The following HACD2 variants were observed in gnomAD, a reference collection of about 807,000 sequenced individuals.
HACD2 encodes very-long-chain (3R)-3-hydroxyacyl-CoA dehydratase 2.
In HACD2, 15 loss-of-function variants were observed where a neutral mutation model predicts 31.0. The ratio of observed to expected loss-of-function variants is 0.48; its 90% CI spans 0.32 to 0.75. The LOEUF is 0.75. Among genes scored for constraint, HACD2 ranks in the 30% least tolerant of loss-of-function variants. HACD2 has a pLI of 0.03. For synonymous variants in HACD2, 115 were observed against 122.2 expected (o/e 0.94, Z 0.39); for missense variants, 283 against 313.0 (o/e 0.90, Z 0.72).
chr3:123,537,849 T>C (rs2056444948), intron 3 of HACD2, among the ~76,000 whole-genome samples: 1 of 151,946 alleles, frequency 6.6e-6, no homozygotes, highest in Non-Finnish European at 1.5e-5. Flanking sequence ...CTGCCTACTT[T>C]TAAAGAACAC....
chr3:123,535,144 A>G (rs1438297426), intron 3 of HACD2, among the ~76,000 whole-genome samples: 1 of 152,184 alleles, frequency 6.6e-6, no homozygotes, highest in Non-Finnish European at 1.5e-5. Flanking sequence ...ATTCATCCAG[A>G]GCAACTTCCA....
At chr3:123,525,842 T>G (rs1007531205) in intron 4 of HACD2, among the ~76,000 whole-genome samples, 15 of 152,212 alleles carry the variant, frequency 9.9e-5, no homozygotes, top group African/African-American at 3.6e-4. Flanking sequence ...TATGCATTAA[T>G]TATACAGTTC....
intron 3 of HACD2, among the ~76,000 whole-genome samples, chr3:123,548,132 C>T (rs930998659): frequency 2.6e-5 from 4 of 152,116 alleles, no homozygotes; most frequent in Non-Finnish European, 4.4e-5. Flanking sequence ...CTCCTCCCTT[C>T]ACAAGGCAGA....
At chr3:123,574,256 C>T (rs1204264289) in intron 2 of HACD2, among the ~76,000 whole-genome samples, 1 of 152,196 alleles carries the variant, frequency 6.6e-6, no homozygotes, top group Non-Finnish European at 1.5e-5. Flanking sequence ...GCTTCTGCTC[C>T]GAAATCAACT....
intron 3 of HACD2, among the ~76,000 whole-genome samples, chr3:123,530,846 C>T (rs1244207738): frequency 6.6e-6 from 1 of 152,034 alleles, no homozygotes; most frequent in African/African-American, 2.4e-5. Flanking sequence ...GCCCCCATGC[C>T]CAGCTAAAGT....
intron 4 of HACD2, among the ~76,000 whole-genome samples, chr3:123,504,029 A>C (rs1576729531): frequency 6.6e-6 from 1 of 152,334 alleles, no homozygotes; most frequent in Non-Finnish European, 1.5e-5. Flanking sequence ...TCTAAAAATA[A>C]TAAGAATTTT....
At chr3:123,541,011 C>CTA (rs1415472359) in intron 3 of HACD2, among the ~76,000 whole-genome samples, 1 of 152,196 alleles carries the variant, frequency 6.6e-6, no homozygotes, top group African/African-American at 2.4e-5. Context: ...TGGCTCATGT[C>CTA]TATAATCCCA....
In HACD2 at chr3:123,569,850, A is replaced by G. The variant is rs146037847; in HGVS notation, c.274-2070T>C. Among the ~76,000 whole-genome samples, 859 of 152,078 alleles carry G rather than the reference A, an allele frequency of 5.6e-3. 11 individuals are homozygous for G. Among genetic ancestry groups the G allele is most frequent in the African/African-American group, 0.02 (824 of 41,506 alleles). ...TAAAAATACAAAAAATTAGCTGGGC[A>G]TAGTGGCGCATGCCTGTAGTCTCGG... On this transcript the variant is annotated intron_variant, in intron 2 of 6. Coordinates refer to ENST00000383657, the MANE Select transcript of HACD2 (RefSeq NM_198402.5).
chr3:123,521,698 G>C (rs185750979), intron 4 of HACD2, among the ~76,000 whole-genome samples: 2 of 151,884 alleles, frequency 1.3e-5, no homozygotes, highest in Admixed American at 1.3e-4. Flanking sequence ...GTGGAGGTGA[G>C]CCCAGAGCAG....
chr3:123,546,910 A>G (rs2056566377), intron 3 of HACD2, among the ~76,000 whole-genome samples: 1 of 152,210 alleles, frequency 6.6e-6, no homozygotes, highest in African/African-American at 2.4e-5. Context: ...AATTTGGTGT[A>G]ATAATTTTTT....
intron 4 of HACD2, among the ~76,000 whole-genome samples, chr3:123,503,544 G>A (rs141842372): frequency 9.2e-5 from 14 of 152,070 alleles, no homozygotes; most frequent in Admixed American, 3.3e-4. Flanking sequence ...AGAGCCCCTA[G>A]GTGATTTTTA....
At chr3:123,542,357 A>G (rs1318022759) in intron 3 of HACD2, among the ~76,000 whole-genome samples, 1 of 152,142 alleles carries the variant, frequency 6.6e-6, no homozygotes. Context: ...TTTTTCTATA[A>G]GTAACTTAGT....
At chr3:123,537,667 T>G (rs1024564886) in intron 3 of HACD2, among the ~76,000 whole-genome samples, 1 of 152,088 alleles carries the variant, frequency 6.6e-6, no homozygotes, top group Non-Finnish European at 1.5e-5. Context: ...ATGAAAAATG[T>G]CTTTTTCATG....
At chr3:123,530,296 G>A (rs1265443078) in intron 3 of HACD2, among the ~76,000 whole-genome samples, 1 of 152,080 alleles carries the variant, frequency 6.6e-6, no homozygotes, top group Admixed American at 6.5e-5. Flanking sequence ...TGTCACCCAG[G>A]CTGGAGTACA....
chr3:123,506,596 AT>A (rs976734141), intron 4 of HACD2, among the ~76,000 whole-genome samples: 51 of 151,392 alleles, frequency 3.4e-4, no homozygotes, highest in Admixed American at 1.1e-3. Flanking sequence ...CACCCAGCTA[AT>A]TTTTTTTTCT....
At chr3:123,577,659 T>C (rs2056922686) in intron 2 of HACD2, among the ~76,000 whole-genome samples, 1 of 151,780 alleles carries the variant, frequency 6.6e-6, no homozygotes, top group Non-Finnish European at 1.5e-5. Context: ...TTGCTATAAT[T>C]ACAGTCTTAT....
At chr3:123,567,694 C>A in intron 3 of HACD2, 68 bp downstream of exon 3, 1 of 965,414 alleles carries the variant, frequency 1.0e-6, no homozygotes. Flanking sequence ...TCAATAAAGC[C>A]TATCATCTAT....
chr3:123,502,609 A>G lies in HACD2; in HGVS notation c.454T>C (p.Tyr152His). ...AGATGGTTTAATAGACTGAATGTAT[A>G]AAAGGAGTAACGGATGATTTCCGTG... ...TITEIIRYSF[Y>H]TFSLLNHLPY... is the part of the protein sequence containing the mutation. The change falls in exon 5 of 7, where the codon TAT (tyrosine) becomes CAT (histidine). Residue 152 changes from tyrosine (Y) to histidine (H), a missense_variant. By Grantham distance (83) the Tyr-to-His change is moderately conservative. Coordinates refer to ENST00000383657, the MANE Select transcript of HACD2 (RefSeq NM_198402.5). The G allele has an allele frequency of 6.2e-7, 1 of 1,610,136 alleles. No homozygotes were observed. Among genetic ancestry groups the G allele is most frequent in the Non-Finnish European group, 8.5e-7 (1 of 1,178,130 alleles).
chr3:123,583,603 T>A (rs892725574), intron 1 of HACD2, among the ~76,000 whole-genome samples: 4 of 152,186 alleles, frequency 2.6e-5, no homozygotes, highest in Non-Finnish European at 4.4e-5. Flanking sequence ...TTCCAACACC[T>A]ACCATTTCTA....
Sources: allele counts gnomAD v4.1 joint callset (sites outside exome capture counted in the v4.1 genomes callset), GRCh38; gene constraint gnomAD v4.1.1; transcripts MANE v1.5; gene names NCBI Gene and HGNC (gene_info 2026-07-23, HGNC 2026-07-21).